EML4: variants seen among roughly 807,000 people sequenced by gnomAD.
EML4 encodes EMAP like 4.
EML4 carries 72 observed loss-of-function variants against 129.0 expected under a neutral mutation model. The ratio of observed to expected loss-of-function variants is 0.56; its 90% CI spans 0.46 to 0.68. EML4 has a LOEUF of 0.68. Ranked by LOEUF, EML4 falls within the 30% of genes least tolerant of loss-of-function variation. The probability of loss-of-function intolerance (pLI) is 0.00; values close to 1 mark genes in which losing one functional copy is unlikely to be tolerated. For synonymous variants in EML4, 532 were observed against 405.0 expected (o/e 1.31, Z -3.77); for missense variants, 1,363 against 1,190.6 (o/e 1.14, Z -2.13).
At chr2:42,246,655 C>T (rs923904370) in intron 2 of EML4, among the ~76,000 whole-genome samples, 2 of 152,086 alleles carry the variant, frequency 1.3e-5, no homozygotes, top group Non-Finnish European at 2.9e-5. Flanking sequence ...ATCTAGTGCT[C>T]ATGTTAGTTT....
chr2:42,208,135 C>T (rs757658177), intron 1 of EML4: 17 of 152,058 alleles, frequency 1.1e-4, no homozygotes, highest in Non-Finnish European at 2.2e-4. Context: ...TGCATTTATT[C>T]GTTTATTCTT....
intron 1 of EML4, among the ~76,000 whole-genome samples, chr2:42,232,287 A>G (rs1674397616): frequency 6.6e-6 from 1 of 152,208 alleles, no homozygotes; most frequent in Non-Finnish European, 1.5e-5. Flanking sequence ...TTTGATGTGC[A>G]AGAGGACCTT....
intron 3 of EML4, among the ~76,000 whole-genome samples, chr2:42,260,911 C>T (rs749293630): frequency 1.3e-5 from 2 of 152,242 alleles, no homozygotes; most frequent in Middle Eastern, 3.4e-3. Context: ...TGGGGTGTAT[C>T]GCCTTAGAAT....
chr2:42,245,090 C>CTTTTT (rs960416568), intron 1 of EML4, among the ~76,000 whole-genome samples: 8 of 14,482 alleles, frequency 5.5e-4, no homozygotes, highest in South Asian at 3.5e-3. Flanking sequence ...TTGAAATTTT[C>CTTTTT]TTTCTTTTTT....
chr2:42,205,456 A>AATG (rs1672485726), intron 1 of EML4, among the ~76,000 whole-genome samples: 2 of 152,278 alleles, frequency 1.3e-5, no homozygotes, highest in South Asian at 4.1e-4. Context: ...TAATAATAAT[A>AATG]ATAGGTGTAG....
chr2:42,285,143 A>C (rs1311925634), intron 9 of EML4, among the ~76,000 whole-genome samples: 1 of 152,082 alleles, frequency 6.6e-6, no homozygotes, highest in Non-Finnish European at 1.5e-5. Context: ...TCCTGGGCTC[A>C]AGTGATCCTC....
chr2:42,252,406 T>A (rs1017230256), intron 2 of EML4, among the ~76,000 whole-genome samples: 1 of 152,202 alleles, frequency 6.6e-6, no homozygotes, highest in Non-Finnish European at 1.5e-5. Flanking sequence ...GCTACATAGC[T>A]CTTGGTCCCC....
intron 13 of EML4, among the ~76,000 whole-genome samples, chr2:42,300,151 C>G (rs1339767362): frequency 6.6e-6 from 1 of 152,114 alleles, no homozygotes; most frequent in Non-Finnish European, 1.5e-5. Flanking sequence ...GTTGTTAAAC[C>G]TGAATTTTTT....
At chr2:42,270,179 C>T (rs1371294240) in intron 6 of EML4, among the ~76,000 whole-genome samples, 1 of 152,148 alleles carries the variant, frequency 6.6e-6, no homozygotes, top group Non-Finnish European at 1.5e-5. Flanking sequence ...TTTCTGAAAG[C>T]TTTTTCTTGG....
chr2:42,221,403 C>CTTTTTTTTTTTTTTTTTTTTTT (rs74816568), intron 1 of EML4, among the ~76,000 whole-genome samples: 1 of 108,256 alleles, frequency 9.2e-6, no homozygotes, highest in African/African-American at 3.3e-5. Flanking sequence ...ACATGGTTTA[C>CTTTTTTTTTTTTTTTTTTTTTT]TTTTTTTTTT....
chr2:42,252,926 A>G (rs572755902), intron 2 of EML4, among the ~76,000 whole-genome samples: 5 of 152,236 alleles, frequency 3.3e-5, no homozygotes, highest in Admixed American at 6.5e-5. Flanking sequence ...TTTCATTGCC[A>G]ATGTGATTCT....
chr2:42,249,293 A>T (rs201471061), intron 2 of EML4, among the ~76,000 whole-genome samples: 3 of 151,252 alleles, frequency 2.0e-5, no homozygotes, highest in Non-Finnish European at 4.4e-5. Flanking sequence ...TTTATGTGTG[A>T]TTTTTTAGCC....
At chr2:42,185,906 A>G (rs1671223401) in intron 1 of EML4, among the ~76,000 whole-genome samples, 1 of 152,178 alleles carries the variant, frequency 6.6e-6, no homozygotes, top group Non-Finnish European at 1.5e-5. Flanking sequence ...CAGTAGTGGG[A>G]TAGGAGATAC....
intron 1 of EML4, among the ~76,000 whole-genome samples, chr2:42,179,031 G>A (rs186473676): frequency 2.5e-4 from 38 of 152,258 alleles, no homozygotes; most frequent in African/African-American, 8.2e-4. Flanking sequence ...CTTATTACTT[G>A]TAAGGGGGGG....
intron 1 of EML4, among the ~76,000 whole-genome samples, chr2:42,226,216 A>G (rs1377652472): frequency 6.6e-6 from 1 of 152,260 alleles, no homozygotes; most frequent in African/African-American, 2.4e-5. Flanking sequence ...ATTCTGAGAT[A>G]AAAATATACA....
chr2:42,321,439 T>TTTAAA (rs1256417448), intron 19 of EML4, among the ~76,000 whole-genome samples: 1 of 152,074 alleles, frequency 6.6e-6, no homozygotes, highest in Non-Finnish European at 1.5e-5. Flanking sequence ...TATGGTCTCA[T>TTTAAA]TTAAAAGAGG....
chr2:42,259,408 G>C (rs1282890948), intron 3 of EML4, among the ~76,000 whole-genome samples: 1 of 152,234 alleles, frequency 6.6e-6, no homozygotes, highest in South Asian at 2.1e-4. Flanking sequence ...GTTAGGAATA[G>C]CAGGTGGTTT....
chr2:42,170,168 T>C (rs1413016858), intron 1 of EML4: 1 of 152,668 alleles, frequency 6.6e-6, no homozygotes, highest in Non-Finnish European at 1.5e-5. Flanking sequence ...ACTTTAGATT[T>C]GAAGGCGACT....
chr2:42,312,747 G>T (rs1016233436), intron 17 of EML4, among the ~76,000 whole-genome samples: 24 of 151,302 alleles, frequency 1.6e-4, no homozygotes, highest in Non-Finnish European at 3.2e-4. Flanking sequence ...TAGAGATGGG[G>T]TTTCACCTTG....
Sources: allele counts gnomAD v4.1 joint callset (sites outside exome capture counted in the v4.1 genomes callset), GRCh38; gene constraint gnomAD v4.1.1; transcripts MANE v1.5; gene names NCBI Gene and HGNC (gene_info 2026-07-23, HGNC 2026-07-21).